CPPED1: variants seen among roughly 807,000 people sequenced by gnomAD.
The protein encoded by CPPED1 is serine/threonine-protein phosphatase CPPED1.
CPPED1 carries 28 observed loss-of-function variants against 28.0 expected under a neutral mutation model. That is an observed-to-expected ratio of 1.00 (90% CI 0.74 to 1.37). CPPED1 has a LOEUF of 1.37. CPPED1 is among the 40% of genes most tolerant of loss of function. The pLI, the probability that CPPED1 is intolerant of heterozygous loss-of-function variation, is 0.00. For missense variants in CPPED1, 504 were observed against 416.5 expected, an observed-to-expected ratio of 1.21 and a Z score of -1.83; for synonymous variants, 198 against 180.2, an observed-to-expected ratio of 1.10 and a Z score of -0.79.
chr16:12,686,966 G>T (rs1394815901), intron 3 of CPPED1, among the ~76,000 whole-genome samples: 2 of 152,096 alleles, frequency 1.3e-5, no homozygotes, highest in African/African-American at 2.4e-5. Context: ...TACACCAGGG[G>T]TTGGAAACTA....
chr16:12,743,374 T>A (rs907185355), intron 2 of CPPED1, among the ~76,000 whole-genome samples: 4 of 152,150 alleles, frequency 2.6e-5, no homozygotes, highest in Non-Finnish European at 5.9e-5. Flanking sequence ...CCTTTTCAGC[T>A]CTTAAAAGAA....
At chr16:12,693,264 G>A (rs1567277745) in intron 3 of CPPED1, among the ~76,000 whole-genome samples, 1 of 152,118 alleles carries the variant, frequency 6.6e-6, no homozygotes, top group Non-Finnish European at 1.5e-5. Flanking sequence ...GTGCAGTGGT[G>A]CAATCATGGA....
intron 1 of CPPED1, 83 bp from the exon 2 acceptor site, chr16:12,781,486 T>C: frequency 8.2e-7 from 1 of 1,221,988 alleles, no homozygotes; most frequent in South Asian, 1.4e-5. Context: ...GCAAAGTGGA[T>C]ACACTATTTT....
At chr16:12,732,020 G>C (rs1044420240) in intron 2 of CPPED1, among the ~76,000 whole-genome samples, 1 of 152,022 alleles carries the variant, frequency 6.6e-6, no homozygotes, top group African/African-American at 2.4e-5. Flanking sequence ...AAAAGTAGCT[G>C]GGCGTAGTGG....
intron 2 of CPPED1, among the ~76,000 whole-genome samples, chr16:12,706,474 T>C (rs1380753190): frequency 6.7e-6 from 1 of 149,786 alleles, no homozygotes; most frequent in African/African-American, 2.4e-5. Flanking sequence ...CTTCCTTCCT[T>C]CCTTTCCTTT....
intron 2 of CPPED1, among the ~76,000 whole-genome samples, chr16:12,731,247 G>C (rs1191174804): frequency 6.6e-6 from 1 of 150,740 alleles, no homozygotes; most frequent in Non-Finnish European, 1.5e-5. Flanking sequence ...TCCACCCCCC[G>C]GGTTCATGCC....
chr16:12,756,618 A>T (rs1267758746), intron 2 of CPPED1, among the ~76,000 whole-genome samples: 1 of 152,078 alleles, frequency 6.6e-6, no homozygotes, highest in East Asian at 1.9e-4. Flanking sequence ...GAGGCACGAG[A>T]ATCACTTGAA....
chr16:12,708,074 G>A (rs2141189267), intron 2 of CPPED1, among the ~76,000 whole-genome samples: 1 of 152,288 alleles, frequency 6.6e-6, no homozygotes, highest in East Asian at 1.9e-4. Flanking sequence ...TTGAACCCGG[G>A]AGGCAGAGGT....
intron 2 of CPPED1, among the ~76,000 whole-genome samples, chr16:12,733,274 A>T (rs1253320802): frequency 1.4e-5 from 2 of 139,264 alleles, no homozygotes; most frequent in Non-Finnish European, 3.1e-5. Flanking sequence ...CGAATTAGGA[A>T]TTTTTTTTTT....
At chr16:12,668,780 T>C (rs559404016) in intron 3 of CPPED1, among the ~76,000 whole-genome samples, 1 of 152,372 alleles carries the variant, frequency 6.6e-6, no homozygotes, top group South Asian at 2.1e-4. Context: ...GACAATGAGA[T>C]AACCACTTCA....
intron 2 of CPPED1, among the ~76,000 whole-genome samples, chr16:12,711,793 A>G (rs528594861): frequency 1.3e-5 from 2 of 152,226 alleles, no homozygotes; most frequent in African/African-American, 4.8e-5. Context: ...TGTCTTCTAG[A>G]CCCTAAAATG....
intron 3 of CPPED1, among the ~76,000 whole-genome samples, chr16:12,683,327 T>C (rs999713959): frequency 1.2e-4 from 18 of 152,180 alleles, no homozygotes; most frequent in Admixed American, 7.9e-4. Context: ...TCTTCCTGCA[T>C]ACATCTCCGG....
intron 2 of CPPED1, among the ~76,000 whole-genome samples, chr16:12,718,670 A>G (rs2080120971): frequency 6.6e-6 from 1 of 152,152 alleles, no homozygotes; most frequent in Non-Finnish European, 1.5e-5. Context: ...CAAATCTGAA[A>G]ATGCACATTC....
intron 2 of CPPED1, among the ~76,000 whole-genome samples, chr16:12,716,727 T>C (rs970374101): frequency 5.3e-5 from 8 of 152,286 alleles, no homozygotes; most frequent in South Asian, 2.1e-4. Flanking sequence ...GCTAGAAACA[T>C]AAAAATTATT....
intron 2 of CPPED1, among the ~76,000 whole-genome samples, chr16:12,744,301 C>A (rs866350543): frequency 6.4e-5 from 9 of 141,282 alleles, no homozygotes; most frequent in African/African-American, 1.1e-4. Context: ...AGAGAGAAAG[C>A]AAGCAAGCAA....
chr16:12,746,598 G>A (rs1287159153), intron 2 of CPPED1, among the ~76,000 whole-genome samples: 2 of 151,682 alleles, frequency 1.3e-5, no homozygotes, highest in Non-Finnish European at 2.9e-5. Context: ...TGGCAACTAT[G>A]TGGGCAAACA....
chr16:12,741,083 C>G (rs1027717812), intron 2 of CPPED1, among the ~76,000 whole-genome samples: 1 of 152,036 alleles, frequency 6.6e-6, no homozygotes, highest in African/African-American at 2.4e-5. Context: ...GAAAACTGCC[C>G]GACATAGCAA....
chr16:12,739,037 C>T (rs7202365), intron 2 of CPPED1, among the ~76,000 whole-genome samples: 1 of 151,826 alleles, frequency 6.6e-6, no homozygotes, highest in Non-Finnish European at 1.5e-5. Context: ...AGGCGGCTTT[C>T]GCATTGAGTC....
intron 3 of CPPED1, among the ~76,000 whole-genome samples, chr16:12,696,767 A>G (rs1043291833): frequency 1.3e-5 from 2 of 151,954 alleles, no homozygotes; most frequent in African/African-American, 4.8e-5. Flanking sequence ...GATTTTATAT[A>G]TGACTCTCCT....
Sources: gnomAD v4.1 joint callset for allele counts (sites outside exome capture counted in the v4.1 genomes callset) on GRCh38, gnomAD v4.1.1 for gene constraint, MANE v1.5 for transcripts, NCBI Gene and HGNC (gene_info 2026-07-23, HGNC 2026-07-21) for gene names.